GPR55: variants seen among roughly 807,000 people sequenced by gnomAD.
GPR55 encodes G-protein coupled receptor 55.
In GPR55, 6 loss-of-function variants were observed where a neutral mutation model predicts 7.9. The ratio of observed to expected loss-of-function variants is 0.76; its 90% CI spans 0.41 to 1.49. The LOEUF is 1.49. Ranked by LOEUF, GPR55 falls within the 40% of genes most tolerant of loss-of-function variation. The pLI, the probability that GPR55 is intolerant of heterozygous loss-of-function variation, is 0.01. For synonymous variants in GPR55, 183 were observed against 166.8 expected (o/e 1.10, Z -0.75); for missense variants, 376 against 406.0 (o/e 0.93, Z 0.63).
At chr2:230,951,031 A>G (rs1213692323) in intron 1 of GPR55, among the ~76,000 whole-genome samples, 1 of 152,126 alleles carries the variant, frequency 6.6e-6, no homozygotes, top group Non-Finnish European at 1.5e-5. Context: ...TGTCCTTTGT[A>G]ACATCCTTTA....
intron 1 of GPR55, chr2:230,958,026 T>G: frequency 3.3e-6 from 1 of 303,112 alleles, no homozygotes; most frequent in Non-Finnish European, 6.8e-6. Flanking sequence ...ACATAAAACA[T>G]TTTATGTACA....
At chr2:230,921,731 G>A (rs1690841428) in intron 1 of GPR55, among the ~76,000 whole-genome samples, 1 of 152,218 alleles carries the variant, frequency 6.6e-6, no homozygotes, top group Admixed American at 6.5e-5. Context: ...CCTGGAAGTG[G>A]AATGGGAGTG....
intron 1 of GPR55, among the ~76,000 whole-genome samples, chr2:230,938,418 G>C (rs899736672): frequency 1.1e-4 from 15 of 142,260 alleles, no homozygotes; most frequent in Non-Finnish European, 2.0e-4. Flanking sequence ...AAAAAACAAA[G>C]AAAGAAAATC....
chr2:230,947,119 A>G (rs188318639), intron 1 of GPR55, among the ~76,000 whole-genome samples: 2 of 152,356 alleles, frequency 1.3e-5, no homozygotes, highest in African/African-American at 4.8e-5. Flanking sequence ...CAAGCCAGAA[A>G]GAGCCATTAG....
intron 1 of GPR55, among the ~76,000 whole-genome samples, chr2:230,921,212 A>AGAATGG (rs1553541247): frequency 2.0e-5 from 3 of 151,914 alleles, no homozygotes; most frequent in African/African-American, 7.3e-5. Flanking sequence ...GAAATTTTAA[A>AGAATGG]AAATGGAAAT....
In GPR55 at chr2:230,924,065, G is replaced by A. The variant is rs1690896460; in HGVS notation, c.-135+1103C>T. Among the ~76,000 whole-genome samples, 1 of 152,130 alleles carries A rather than the reference G, an allele frequency of 6.6e-6. No homozygotes were observed. The highest frequency in any genetic ancestry group is 2.4e-5 in the African/African-American group (1 of 41,416). Reference sequence around the variant, plus strand: ...GAGTGGGTGCCTTGAAAAGTCCTCTGTGTATCCCAGGGGGAGCGTGTCCCT... The same window carrying A: ...GAGTGGGTGCCTTGAAAAGTCCTCTATGTATCCCAGGGGGAGCGTGTCCCT... On this transcript the variant is annotated intron_variant, in intron 1 of 1. Coordinates refer to ENST00000650999, the MANE Select transcript of GPR55 (RefSeq NM_005683.4). The surrounding 1 kb of genome is among the most constrained non-coding windows in gnomAD (Gnocchi z 4.5).
chr2:230,910,231 C>T lies in GPR55; in HGVS notation c.732G>A (p.Leu244=), dbSNP rs978363968. 9 of 1,614,138 alleles carry T rather than the reference C, an allele frequency of 5.6e-6. No individual in the cohort carries two copies. In the African/African-American group the frequency reaches 1.1e-4, roughly 19 times the overall value. ...VFVVSFLPVH[L]GFFLQFLVRN... is the part of the protein sequence containing the mutation. The stretch of plus-strand genomic sequence containing the variant: ...TCACCAGGAACTGCAGGAAGAACCC[C>T]AGGTGGACTGGGAGGAAGGAGACCA... The change falls in exon 2 of 2, where the codon CTG becomes CTA. Residue 244 remains leucine (L), a synonymous_variant. Coordinates refer to ENST00000650999, the MANE Select transcript of GPR55 (RefSeq NM_005683.4). The surrounding 1 kb of genome is among the most constrained non-coding windows in gnomAD (Gnocchi z 5.4).
At position 230,910,311 on chromosome 2, in the gene GPR55, A is replaced by C. The variant is rs1304644262; in HGVS notation, c.652T>G (p.Trp218Gly). The C allele has an allele frequency of 2.5e-6, 4 of 1,613,816 alleles. No individual in the cohort carries two copies. Among genetic ancestry groups the C allele is most frequent in the Non-Finnish European group, 3.4e-6 (4 of 1,179,900 alleles). Residue 218 changes from tryptophan to glycine, a missense_variant, in exon 2 of 2, where the codon TGG becomes GGG. Coordinates refer to ENST00000650999, the MANE Select transcript of GPR55 (RefSeq NM_005683.4). The surrounding 1 kb of genome is among the most constrained non-coding windows in gnomAD (Gnocchi z 5.4). ...LLGRRDHTQDWVQQKACIYSI... is the reference protein window; with the variant it reads ...LLGRRDHTQDGVQQKACIYSI... Reference sequence around the variant, plus strand: ...TAGATGCAGGCTTTCTGCTGCACCCAGTCCTGGGTGTGGTCTCGGCGGCCC... The same window carrying C: ...TAGATGCAGGCTTTCTGCTGCACCCCGTCCTGGGTGTGGTCTCGGCGGCCC...
intron 1 of GPR55, among the ~76,000 whole-genome samples, chr2:230,917,360 A>G (rs1172968063): frequency 6.6e-6 from 1 of 152,264 alleles, no homozygotes; most frequent in Non-Finnish European, 1.5e-5. Context: ...CTTGGTTTTA[A>G]ACAAATAGGT....
chr2:230,934,085 T>C lies in GPR55; in HGVS notation c.-134-22989A>G, dbSNP rs375269196. Among the ~76,000 whole-genome samples the C allele has an allele frequency of 2.0e-4, 31 of 152,108 alleles. No individual in the cohort carries two copies. In the East Asian group the frequency reaches 2.7e-3, roughly 13 times the overall value. ...CTTGCCCACCTTTTCAACCCTCCTT[T>C]CCAGTGCTAATAGACTGGACTGTCC... is the stretch of plus-strand genomic sequence containing the variant. On this transcript the variant is annotated intron_variant, in intron 1 of 1. Transcript: ENST00000392039.
At chr2:230,934,752 G>A (rs774999688) in intron 1 of GPR55, among the ~76,000 whole-genome samples, 6 of 152,060 alleles carry the variant, frequency 3.9e-5, no homozygotes, top group Non-Finnish European at 8.8e-5. Flanking sequence ...CTCCTGGGGG[G>A]ACTCTGGACC....
chr2:230,915,346 A>C (rs1233705105), intron 1 of GPR55, among the ~76,000 whole-genome samples: 1 of 152,224 alleles, frequency 6.6e-6, no homozygotes, highest in Non-Finnish European at 1.5e-5. Context: ...TTTCCACCCC[A>C]GCAGCACCAT....
At chr2:230,926,401 C>T (rs1041775860), upstream of GPR55, among the ~76,000 whole-genome samples, 3 of 152,220 alleles carry the variant, frequency 2.0e-5, no homozygotes, top group Non-Finnish European at 4.4e-5. Flanking sequence ...CTGCCCCCAG[C>T]GAGGCCCCCC....
intron 1 of GPR55, among the ~76,000 whole-genome samples, chr2:230,947,732 G>T (rs1260527876): frequency 6.6e-6 from 1 of 151,914 alleles, no homozygotes; most frequent in African/African-American, 2.4e-5. Flanking sequence ...GAACTCCTGG[G>T]CTCAAGCAAT....
intron 1 of GPR55, among the ~76,000 whole-genome samples, chr2:230,933,696 C>T (rs1691089404): frequency 6.6e-6 from 1 of 152,200 alleles, no homozygotes; most frequent in Non-Finnish European, 1.5e-5. Context: ...GCCTCTTATC[C>T]AGGAGCAGCA....
intron 1 of GPR55, among the ~76,000 whole-genome samples, chr2:230,960,440 A>T (rs537508994): frequency 6.6e-6 from 1 of 152,290 alleles, no homozygotes; most frequent in South Asian, 2.1e-4. Context: ...GGGCCTCTGT[A>T]ACTTTCCTGT....
In GPR55 at chr2:230,910,295, G is replaced by C; in HGVS notation, c.668C>G (p.Ala223Gly). The change falls in exon 2 of 2, where the codon GCC becomes GGC. Residue 223 changes from alanine to glycine, a missense_variant. Physicochemically the swap from Ala to Gly is moderately conservative, Grantham distance 60 (BLOSUM62 0). Coordinates refer to ENST00000650999, the MANE Select transcript of GPR55 (RefSeq NM_005683.4). The surrounding 1 kb of genome is among the most constrained non-coding windows in gnomAD (Gnocchi z 5.4). ...DHTQDWVQQK[A>G]CIYSIAASLA... ...GCTGGCTGCGATGCTGTAGATGCAG[G>C]CTTTCTGCTGCACCCAGTCCTGGGT... 1 of 1,613,952 alleles carries C rather than the reference G, an allele frequency of 6.2e-7. No homozygotes were observed. Among genetic ancestry groups the C allele is most frequent in the Non-Finnish European group, 8.5e-7 (1 of 1,179,916 alleles).
chr2:230,943,424 T>C (rs1160367896), intron 1 of GPR55, among the ~76,000 whole-genome samples: 1 of 152,268 alleles, frequency 6.6e-6, no homozygotes, highest in Non-Finnish European at 1.5e-5. Context: ...GCATGGGTGC[T>C]AAGAGATGTC....
rs1388032418 is a variant in GPR55 at position 230,955,381 on chromosome 2, C to T, written c.-135+5394G>A. ...CTTGTTATGGGCACACGTGACAGTG[C>T]ATCAGATGCTCTCAGGAAAGAAAGT... On this transcript the variant is annotated intron_variant, in intron 1 of 1. Coordinates refer to the GPR55 transcript ENST00000392039. Among the ~76,000 whole-genome samples the T allele has an allele frequency of 1.1e-4, 16 of 152,334 alleles. No homozygotes were observed. In the East Asian group the frequency reaches 2.3e-3, roughly 22 times the overall value.
Sources: allele counts gnomAD v4.1 joint callset (sites outside exome capture counted in the v4.1 genomes callset), GRCh38; gene constraint gnomAD v4.1.1; non-coding constraint Gnocchi (gnomAD v3.1); transcripts MANE v1.5; gene names NCBI Gene and HGNC (gene_info 2026-07-23, HGNC 2026-07-21).